SHISA9: variants seen among roughly 807,000 people sequenced by gnomAD.
The protein encoded by SHISA9 is protein shisa-9.
In SHISA9, 13 loss-of-function variants were observed where a neutral mutation model predicts 38.0. That is an observed-to-expected ratio of 0.34 (90% CI 0.22 to 0.54). SHISA9 has a LOEUF of 0.54. Among genes scored for constraint, SHISA9 ranks in the 20% least tolerant of loss-of-function variants. SHISA9 has a pLI of 0.91. For synonymous variants in SHISA9, 275 were observed against 242.0 expected (o/e 1.14, Z -1.27); for missense variants, 538 against 575.8 (o/e 0.93, Z 0.67).
At chr16:13,259,073 C>T in the SHISA9 span, among the ~76,000 whole-genome samples, 5 of 152,142 alleles carry the variant, frequency 3.3e-5, no homozygotes, top group Non-Finnish European at 4.4e-5. Context: ...CCTGTAAAAT[C>T]GAAAGCAAGC....
intron 2 of SHISA9, among the ~76,000 whole-genome samples, chr16:13,114,147 A>C (rs572809235): frequency 1.3e-4 from 20 of 152,220 alleles, no homozygotes; most frequent in African/African-American, 4.8e-4. Context: ...CTTAAATTAT[A>C]ATTTTTATTT....
intron 2 of SHISA9, among the ~76,000 whole-genome samples, chr16:13,069,946 C>A (rs538813016): frequency 6.6e-6 from 1 of 152,202 alleles, no homozygotes; most frequent in South Asian, 2.1e-4. Context: ...TTGGTCTTCC[C>A]GGCCTGCAGA....
chr16:13,266,783 G>A, the SHISA9 span, among the ~76,000 whole-genome samples: 1 of 152,092 alleles, frequency 6.6e-6, no homozygotes, highest in East Asian at 1.9e-4. Context: ...CATCAAGGAG[G>A]GAAGGATGAA....
intron 2 of SHISA9, among the ~76,000 whole-genome samples, chr16:13,112,755 C>T (rs2073992057): frequency 6.6e-6 from 1 of 152,066 alleles, no homozygotes; most frequent in Non-Finnish European, 1.5e-5. Flanking sequence ...CATTGCCTTT[C>T]AGAGGCCATT....
chr16:13,512,494 G>GA, the SHISA9 span, among the ~76,000 whole-genome samples: 1 of 152,052 alleles, frequency 6.6e-6, no homozygotes, highest in African/African-American at 2.4e-5. Context: ...CACAGAATTA[G>GA]AAAAAACTAG....
intron 2 of SHISA9, among the ~76,000 whole-genome samples, chr16:12,980,420 A>G (rs541887498): frequency 5.3e-5 from 8 of 152,164 alleles, no homozygotes; most frequent in Admixed American, 3.3e-4. Context: ...TACTTCATGT[A>G]TTCTTGCATC....
chr16:12,940,286 A>G (rs367744217), intron 2 of SHISA9, among the ~76,000 whole-genome samples: 14 of 152,094 alleles, frequency 9.2e-5, no homozygotes, highest in Admixed American at 3.3e-4. Context: ...CCTGTTCTCT[A>G]TACTATAATT....
intron 2 of SHISA9, among the ~76,000 whole-genome samples, chr16:13,179,457 T>G (rs967772561): frequency 1.1e-4 from 17 of 152,246 alleles, no homozygotes; most frequent in Admixed American, 3.3e-4. Context: ...TGATTACCAC[T>G]GTTTTATAGC....
chr16:12,996,416 C>T (rs1410372021), intron 2 of SHISA9, among the ~76,000 whole-genome samples: 2 of 152,134 alleles, frequency 1.3e-5, no homozygotes, highest in Non-Finnish European at 2.9e-5. Context: ...TGGCACAGGC[C>T]CCCAGAACAC....
At chr16:13,344,477 G>C in the SHISA9 span, among the ~76,000 whole-genome samples, 1 of 136,516 alleles carries the variant, frequency 7.3e-6, no homozygotes, top group South Asian at 2.3e-4. Context: ...ATTTCTGAGG[G>C]TTCTCTAAAG....
chr16:13,505,521 A>C, the SHISA9 span, among the ~76,000 whole-genome samples: 1 of 152,242 alleles, frequency 6.6e-6, no homozygotes, highest in Non-Finnish European at 1.5e-5. Flanking sequence ...TTTCAAGTGT[A>C]TTGGTGAGGA....
chr16:13,122,978 C>T (rs1391195526), intron 2 of SHISA9, among the ~76,000 whole-genome samples: 2 of 151,500 alleles, frequency 1.3e-5, no homozygotes, highest in African/African-American at 4.9e-5. Context: ...ACCCGGGAAG[C>T]GGAGGTTGCA....
chr16:13,109,880 G>A (rs932798605), intron 2 of SHISA9, among the ~76,000 whole-genome samples: 1 of 152,106 alleles, frequency 6.6e-6, no homozygotes, highest in African/African-American at 2.4e-5. Context: ...CCATCATATG[G>A]ATAGACCACT....
At chr16:13,012,911 C>A (rs754672331) in intron 2 of SHISA9, among the ~76,000 whole-genome samples, 3 of 152,118 alleles carry the variant, frequency 2.0e-5, no homozygotes, top group Non-Finnish European at 4.4e-5. Flanking sequence ...AGCCTCTGTG[C>A]TTGCCATCTC....
At chr16:13,045,368 G>A (rs2141892731) in intron 2 of SHISA9, among the ~76,000 whole-genome samples, 1 of 152,270 alleles carries the variant, frequency 6.6e-6, no homozygotes, top group African/African-American at 2.4e-5. Context: ...AAGGATTCGA[G>A]TGCAGGAATT....
chr16:13,184,026 C>T (rs755779650), intron 2 of SHISA9, among the ~76,000 whole-genome samples: 3 of 151,988 alleles, frequency 2.0e-5, no homozygotes, highest in Admixed American at 6.6e-5. Flanking sequence ...ACTCAGGAGA[C>T]GGTTGGGCAG....
At chr16:12,921,101 A>G (rs973376451) in intron 2 of SHISA9, among the ~76,000 whole-genome samples, 45 of 152,242 alleles carry the variant, frequency 3.0e-4, no homozygotes, top group African/African-American at 9.4e-4. Flanking sequence ...GTATATGTTC[A>G]TAGGACAAAG....
chr16:13,520,265 A>G, the SHISA9 span, among the ~76,000 whole-genome samples: 1 of 152,146 alleles, frequency 6.6e-6, no homozygotes, highest in Non-Finnish European at 1.5e-5. Flanking sequence ...GTACCAAAAC[A>G]AAGCTAGAGC....
intron 2 of SHISA9, among the ~76,000 whole-genome samples, chr16:13,063,861 CTT>C (rs1003421592): frequency 1.3e-5 from 2 of 152,200 alleles, no homozygotes; most frequent in African/African-American, 4.8e-5. Flanking sequence ...AGAGCCCACT[CTT>C]TGCGTAGCCC....
Sources: gnomAD v4.1 joint callset for allele counts (sites outside exome capture counted in the v4.1 genomes callset) on GRCh38, gnomAD v4.1.1 for gene constraint, MANE v1.5 for transcripts, NCBI Gene and HGNC (gene_info 2026-07-23, HGNC 2026-07-21) for gene names.